Variants in CCDC81 observed in about 807,000 individuals in gnomAD.
CCDC81 encodes the protein coiled-coil domain-containing protein 81.
CCDC81 carries 79 observed loss-of-function variants against 83.7 expected under a neutral mutation model. The observed-to-expected ratio is 0.94, with a 90% CI of 0.79 to 1.14. The LOEUF (loss-of-function observed/expected upper bound fraction) is 1.14. Ranked by LOEUF, CCDC81 falls within the 50% of genes most tolerant of loss-of-function variation. The pLI, the probability that CCDC81 is intolerant of heterozygous loss-of-function variation, is 0.00. For synonymous variants in CCDC81, 252 were observed against 278.1 expected (o/e 0.91, Z 0.93); for missense variants, 791 against 778.1 (o/e 1.02, Z -0.20).
At chr11:86,396,749 G>C (rs993927786) in intron 5 of CCDC81, among the ~76,000 whole-genome samples, 1 of 152,184 alleles carries the variant, frequency 6.6e-6, no homozygotes, top group African/African-American at 2.4e-5. Context: ...TCCTGGTCCA[G>C]TGTTCTTTCC....
At position 86,392,750 on chromosome 11, in the gene CCDC81, CT is replaced by C; in HGVS notation, c.511del (p.Cys171ValfsTer13). On this transcript the variant is annotated frameshift_variant, in exon 4 of 15. Transcript: ENST00000445632. LOFTEE classifies it high-confidence loss of function. ...GAAGATGAGGTTTTATAAAGACTTC[CT>C]TTGTACCATGGATGGAAGTGGGGCT... is the stretch of plus-strand genomic sequence containing the variant. ...KVKMRFYKDF[L>X]CTMDGSGALA... The C allele has an allele frequency of 6.4e-7, 1 of 1,551,590 alleles. No individual in the cohort carries two copies. Among genetic ancestry groups the C allele is most frequent in the Non-Finnish European group, 8.7e-7 (1 of 1,146,948 alleles).
chr11:86,377,968 CTTTTTTTT>C (rs61157417), intron 1 of CCDC81, among the ~76,000 whole-genome samples: 2 of 73,358 alleles, frequency 2.7e-5, no homozygotes, highest in East Asian at 5.4e-4. Flanking sequence ...TGCCTAGGTT[CTTTTTTTT>C]TTTTTTTTTT....
intron 1 of CCDC81, among the ~76,000 whole-genome samples, chr11:86,375,616 T>C (rs1203605405): frequency 6.6e-6 from 1 of 151,656 alleles, no homozygotes; most frequent in Non-Finnish European, 1.5e-5. Context: ...CTTTTGAGAG[T>C]TCATGCAAAG....
At chr11:86,394,293 AC>A (rs1471480112) in intron 4 of CCDC81, among the ~76,000 whole-genome samples, 2 of 152,232 alleles carry the variant, frequency 1.3e-5, no homozygotes, top group African/African-American at 4.8e-5. Context: ...TTCCAAAAGA[AC>A]TAGTCCTGAA....
chr11:86,402,785 T>C (rs1292930438), intron 7 of CCDC81, among the ~76,000 whole-genome samples: 1 of 152,242 alleles, frequency 6.6e-6, no homozygotes, highest in South Asian at 2.1e-4. Flanking sequence ...AGTGAAATGA[T>C]GGTATTTCAT....
At chr11:86,404,674 G>C (rs1419083161) in intron 7 of CCDC81, among the ~76,000 whole-genome samples, 1 of 152,174 alleles carries the variant, frequency 6.6e-6, no homozygotes, top group Non-Finnish European at 1.5e-5. Context: ...TATAGAATAA[G>C]ATGTTTAAAA....
intron 1 of CCDC81, among the ~76,000 whole-genome samples, chr11:86,375,925 C>T (rs1254158795): frequency 6.6e-6 from 1 of 152,228 alleles, no homozygotes; most frequent in Non-Finnish European, 1.5e-5. Flanking sequence ...AACCAAATGA[C>T]CGCAGAAAAC....
At chr11:86,393,599 A>G (rs923861189) in intron 4 of CCDC81, among the ~76,000 whole-genome samples, 4 of 152,194 alleles carry the variant, frequency 2.6e-5, no homozygotes, top group African/African-American at 9.6e-5. Flanking sequence ...TATTTTAATG[A>G]AAGTTCTATA....
chr11:86,415,344 C>G (rs1948703071), intron 13 of CCDC81, 31 bp downstream of exon 13: 14 of 1,536,038 alleles, frequency 9.1e-6, no homozygotes, highest in African/African-American at 1.4e-5. Flanking sequence ...TCTCCCTCCA[C>G]TTCTCCTCAC....
intron 3 of CCDC81, among the ~76,000 whole-genome samples, chr11:86,388,873 A>G (rs1226002106): frequency 6.6e-6 from 1 of 152,238 alleles, no homozygotes; most frequent in African/African-American, 2.4e-5. Context: ...CTCATTTTCT[A>G]TCTTGGATCT....
intron 6 of CCDC81, among the ~76,000 whole-genome samples, chr11:86,399,804 C>G (rs944543887): frequency 6.6e-6 from 1 of 152,038 alleles, no homozygotes; most frequent in African/African-American, 2.4e-5. Flanking sequence ...GGCTTCTCTC[C>G]TCTGAACATA....
chr11:86,402,642 G>T lies in CCDC81; in HGVS notation c.881+1841G>T, dbSNP rs528529799. Among the ~76,000 whole-genome samples the T allele has an allele frequency of 1.4e-4, 22 of 152,252 alleles. No individual in the cohort carries two copies. The South Asian group carries it at 4.6e-3, about 32-fold the overall frequency. On this transcript the variant is annotated intron_variant, in intron 7 of 14. Coordinates refer to ENST00000445632, the MANE Select transcript of CCDC81 (RefSeq NM_001156474.2). The stretch of plus-strand genomic sequence containing the variant: ...CTTTAAAGTTAAATTTCAGAGATAA[G>T]AGGTGAGTCCATTTTCATGCCTTTG...
chr11:86,416,430 A>G (rs117244212), intron 13 of CCDC81, among the ~76,000 whole-genome samples: 2,069 of 152,266 alleles, frequency 0.014, 21 homozygotes, highest in Middle Eastern at 0.031. Flanking sequence ...GACTATTGCT[A>G]CTTCCTCTTC....
At chr11:86,398,564 T>C (rs967283276) in intron 6 of CCDC81, among the ~76,000 whole-genome samples, 2 of 152,022 alleles carry the variant, frequency 1.3e-5, no homozygotes, top group Non-Finnish European at 2.9e-5. Context: ...TTTTATTTTC[T>C]TTTTGAGATG....
chr11:86,396,405 G>A (rs1194872965), intron 5 of CCDC81, among the ~76,000 whole-genome samples: 1 of 152,090 alleles, frequency 6.6e-6, no homozygotes, highest in East Asian at 1.9e-4. Context: ...CCTTAATTAT[G>A]TTAATAATCT....
At chr11:86,384,284 G>A (rs1219378397) in intron 1 of CCDC81, among the ~76,000 whole-genome samples, 1 of 152,146 alleles carries the variant, frequency 6.6e-6, no homozygotes. Flanking sequence ...TTAGTTCTTA[G>A]CAGCCTGTAG....
chr11:86,422,268 T>C (rs1593949245), intron 14 of CCDC81, among the ~76,000 whole-genome samples: 1 of 152,182 alleles, frequency 6.6e-6, no homozygotes, highest in African/African-American at 2.4e-5. Context: ...AGAGAGGCTT[T>C]GGAGCCACTG....
At chr11:86,404,323 A>G (rs977592868) in intron 7 of CCDC81, among the ~76,000 whole-genome samples, 5 of 152,214 alleles carry the variant, frequency 3.3e-5, no homozygotes, top group African/African-American at 1.2e-4. Flanking sequence ...TCCACCATAT[A>G]TTTTTATAAA....
At chr11:86,389,622 T>C (rs1352358341) in intron 3 of CCDC81, among the ~76,000 whole-genome samples, 1 of 152,104 alleles carries the variant, frequency 6.6e-6, no homozygotes, top group Non-Finnish European at 1.5e-5. Flanking sequence ...CACTCACTAT[T>C]ATGAGAACAG....
Sources: allele counts gnomAD v4.1 joint callset (sites outside exome capture counted in the v4.1 genomes callset), GRCh38; gene constraint gnomAD v4.1.1; transcripts MANE v1.5; gene names NCBI Gene and HGNC (gene_info 2026-07-23, HGNC 2026-07-21).